The following SOX6 variants were observed in gnomAD, a reference collection of about 807,000 sequenced individuals.
SOX6 encodes the protein SRY-box transcription factor 6.
In SOX6, 11 loss-of-function variants were observed where a neutral mutation model predicts 97.8. That is an observed-to-expected ratio of 0.11 (90% CI 0.07 to 0.19). The LOEUF (loss-of-function observed/expected upper bound fraction) is 0.19. SOX6 is among the 10% of genes least tolerant of loss of function. SOX6 has a pLI of 1.00. For missense variants in SOX6, 810 were observed against 1,039.5 expected, an observed-to-expected ratio of 0.78 and a Z score of 3.04; for synonymous variants, 360 against 371.4, an observed-to-expected ratio of 0.97 and a Z score of 0.35.
At chr11:16,154,642 G>A (rs564954890) in intron 6 of SOX6, among the ~76,000 whole-genome samples, 16 of 151,700 alleles carry the variant, frequency 1.1e-4, no homozygotes, top group South Asian at 6.2e-4. Context: ...TTTTAAAGCC[G>A]TTTAATATTT....
chr11:16,462,818 C>T (rs774666130), intron 1 of SOX6, among the ~76,000 whole-genome samples: 36 of 152,178 alleles, frequency 2.4e-4, no homozygotes, highest in Non-Finnish European at 4.0e-4. Context: ...TGAAAGTCAA[C>T]TTAGCAGCCC....
At chr11:16,315,485 G>A (rs986990655) in intron 3 of SOX6, 4 of 152,084 alleles carry the variant, frequency 2.6e-5, no homozygotes, top group African/African-American at 7.2e-5. Context: ...TTATAAGAAT[G>A]TTCATAAAAA....
Position 16,516,123 on chromosome 11 carries a change from G to C in SOX6, n.610-39735C>G, listed in dbSNP as rs935506636. 2.7e-5 allele frequency among the ~76,000 whole-genome samples: 4 copies of C among 149,306 alleles called. No individual in the cohort carries two copies. The East Asian group carries it at 7.9e-4, about 30-fold the overall frequency. On this transcript the variant is annotated intron_variant and non_coding_transcript_variant, in intron 4 of 5. Coordinates refer to the SOX6 transcript ENST00000524520. ...GCTTGATGGGGATGGCATTGAATCT[G>C]TAAATTACCTTGGGCAGTATGGCCA... is the stretch of plus-strand genomic sequence containing the variant.
intron 1 of SOX6, among the ~76,000 whole-genome samples, chr11:16,467,114 C>T (rs1218861857): frequency 1.3e-5 from 2 of 151,962 alleles, no homozygotes; most frequent in African/African-American, 2.4e-5. Flanking sequence ...GTAAGAATGG[C>T]TATTATTAAA....
At chr11:16,217,861 G>C (rs1427795564) in intron 4 of SOX6, among the ~76,000 whole-genome samples, 1 of 152,032 alleles carries the variant, frequency 6.6e-6, no homozygotes, top group Non-Finnish European at 1.5e-5. Context: ...TTGACAAACA[G>C]ATTCAGCTAT....
intron 9 of SOX6, among the ~76,000 whole-genome samples, chr11:16,070,457 CA>C (rs1366875371): frequency 6.6e-6 from 1 of 152,148 alleles, no homozygotes; most frequent in African/African-American, 2.4e-5. Flanking sequence ...TCTTGAATTG[CA>C]CCAATTATTT....
At chr11:16,296,412 A>G (rs1855090652) in intron 3 of SOX6, among the ~76,000 whole-genome samples, 1 of 152,280 alleles carries the variant, frequency 6.6e-6, no homozygotes, top group African/African-American at 2.4e-5. Context: ...TCAAATAACA[A>G]CTAAGACATG....
chr11:16,263,981 C>T (rs187845874), intron 3 of SOX6, among the ~76,000 whole-genome samples: 2 of 151,770 alleles, frequency 1.3e-5, no homozygotes, highest in Non-Finnish European at 2.9e-5. Context: ...CACCCACTAC[C>T]CCTATACATG....
At chr11:16,505,099 AG>A (rs1860764923) in intron 4 of SOX6, among the ~76,000 whole-genome samples, 1 of 152,224 alleles carries the variant, frequency 6.6e-6, no homozygotes, top group Non-Finnish European at 1.5e-5. Context: ...GAATGGGCAA[AG>A]GTTGCAACAG....
chr11:16,581,181 G>A (rs1242464757), intron 4 of SOX6, among the ~76,000 whole-genome samples: 4 of 152,062 alleles, frequency 2.6e-5, no homozygotes, highest in Admixed American at 6.5e-5. Flanking sequence ...TAATAGCAAG[G>A]ACATGGAGCC....
intron 3 of SOX6, among the ~76,000 whole-genome samples, chr11:16,290,549 CA>C (rs913012001): frequency 3.9e-5 from 6 of 151,926 alleles, no homozygotes; most frequent in Admixed American, 3.9e-4. Flanking sequence ...AATAAGCCTA[CA>C]AAGAAAAAAC....
At chr11:16,714,119 A>C (rs1286265944) in intron 3 of SOX6, among the ~76,000 whole-genome samples, 2 of 152,206 alleles carry the variant, frequency 1.3e-5, no homozygotes, top group Non-Finnish European at 1.5e-5. Flanking sequence ...ATAAAATATA[A>C]ATTATTTGAC....
At chr11:16,331,398 G>C (rs944244799) in intron 2 of SOX6, among the ~76,000 whole-genome samples, 1 of 152,062 alleles carries the variant, frequency 6.6e-6, no homozygotes, top group Non-Finnish European at 1.5e-5. Flanking sequence ...AGAGAGTCAA[G>C]AGAACAGATT....
At chr11:16,242,559 A>G (rs933267348) in intron 3 of SOX6, among the ~76,000 whole-genome samples, 1 of 151,814 alleles carries the variant, frequency 6.6e-6, no homozygotes, top group African/African-American at 2.4e-5. Context: ...TAACTTGTCT[A>G]TATAAATTAG....
At chr11:16,437,925 AT>A (rs1859416047) in intron 1 of SOX6, among the ~76,000 whole-genome samples, 1 of 152,204 alleles carries the variant, frequency 6.6e-6, no homozygotes, top group South Asian at 2.1e-4. Flanking sequence ...TATTGTAAAA[AT>A]ATAAGCATGT....
chr11:16,297,197 C>T (rs1223832073), intron 3 of SOX6, among the ~76,000 whole-genome samples: 1 of 152,016 alleles, frequency 6.6e-6, no homozygotes, highest in Non-Finnish European at 1.5e-5. Context: ...ATTTGTCACA[C>T]AGTTGTGATA....
At chr11:16,507,477 G>GA (rs1860810301) in intron 4 of SOX6, among the ~76,000 whole-genome samples, 2 of 151,864 alleles carry the variant, frequency 1.3e-5, no homozygotes, top group Non-Finnish European at 2.9e-5. Context: ...TAAGCAAAAA[G>GA]AAAAAAGCTC....
intron 15 of SOX6, among the ~76,000 whole-genome samples, chr11:15,981,402 T>G (rs1460396556): frequency 6.6e-6 from 1 of 152,054 alleles, no homozygotes; most frequent in Non-Finnish European, 1.5e-5. Context: ...ATTTCTGGAG[T>G]GTAATCTAGC....
At chr11:16,561,069 G>T (rs142676049) in intron 4 of SOX6, among the ~76,000 whole-genome samples, 364 of 151,714 alleles carry the variant, frequency 2.4e-3, no homozygotes, top group Admixed American at 4.9e-3. Flanking sequence ...CACTACTAAA[G>T]AACTTATCCA....
Sources: gnomAD v4.1 joint callset for allele counts (sites outside exome capture counted in the v4.1 genomes callset) on GRCh38, gnomAD v4.1.1 for gene constraint, MANE v1.5 for transcripts, NCBI Gene and HGNC (gene_info 2026-07-23, HGNC 2026-07-21) for gene names.